Variants in TANC2 observed in about 807,000 individuals in gnomAD.
TANC2 encodes protein TANC2.
Under a neutral mutation model 210.5 loss-of-function variants are expected in TANC2, and 26 were observed. The observed-to-expected ratio is 0.12, with a 90% CI of 0.09 to 0.17. The LOEUF (loss-of-function observed/expected upper bound fraction) is 0.17. Among genes scored for constraint, TANC2 ranks in the 10% least tolerant of loss-of-function variants. The pLI, the probability that TANC2 is intolerant of heterozygous loss-of-function variation, is 1.00. For missense variants in TANC2, 2,129 were observed against 2,608.9 expected, an observed-to-expected ratio of 0.82 and a Z score of 4.01; for synonymous variants, 931 against 967.1, an observed-to-expected ratio of 0.96 and a Z score of 0.69.
At chr17:63,297,842 A>T (rs1024633984) in intron 9 of TANC2, among the ~76,000 whole-genome samples, 4 of 152,108 alleles carry the variant, frequency 2.6e-5, no homozygotes, top group South Asian at 4.1e-4. Flanking sequence ...AGAATATATT[A>T]AAAAAACTCC....
chr17:63,141,211 A>G (rs1000745472), intron 4 of TANC2, among the ~76,000 whole-genome samples: 1 of 151,738 alleles, frequency 6.6e-6, no homozygotes, highest in African/African-American at 2.4e-5. Context: ...TAGAAAAATT[A>G]CAAAGGTCGA....
chr17:63,133,661 C>G (rs2038997095), intron 4 of TANC2, among the ~76,000 whole-genome samples: 1 of 152,112 alleles, frequency 6.6e-6, no homozygotes, highest in Non-Finnish European at 1.5e-5. Flanking sequence ...ACTATGTTTG[C>G]AAGGAATTTA....
At chr17:63,175,092 C>T (rs2040530708) in intron 5 of TANC2, among the ~76,000 whole-genome samples, 1 of 152,142 alleles carries the variant, frequency 6.6e-6, no homozygotes, top group South Asian at 2.1e-4. Context: ...TATTTGTAGA[C>T]ATTTGCAAAC....
intron 2 of TANC2, among the ~76,000 whole-genome samples, chr17:63,072,077 T>C (rs1385751606): frequency 6.6e-6 from 1 of 152,212 alleles, no homozygotes; most frequent in Non-Finnish European, 1.5e-5. Context: ...AATTATTGGC[T>C]GCCTTTCTGT....
At chr17:63,220,717 A>T (rs61699638) in intron 7 of TANC2, among the ~76,000 whole-genome samples, 38,553 of 135,710 alleles carry the variant, frequency 0.28, 5,856 homozygotes, top group South Asian at 0.35. Context: ...AAAAAAAAAA[A>T]AAATATATAT....
intron 19 of TANC2, among the ~76,000 whole-genome samples, chr17:63,403,518 G>A (rs2048405819): frequency 6.6e-6 from 1 of 152,076 alleles, no homozygotes; most frequent in African/African-American, 2.4e-5. Context: ...GAAAGAGGGA[G>A]CATCACTTAT....
At chr17:63,230,373 T>C (rs2042443547) in intron 7 of TANC2, among the ~76,000 whole-genome samples, 1 of 152,144 alleles carries the variant, frequency 6.6e-6, no homozygotes, top group African/African-American at 2.4e-5. Context: ...AGTTGTGATG[T>C]TAGGGTATCG....
At chr17:63,218,122 A>G (rs1169924718) in intron 7 of TANC2, among the ~76,000 whole-genome samples, 1 of 152,122 alleles carries the variant, frequency 6.6e-6, no homozygotes, top group Non-Finnish European at 1.5e-5. Context: ...TGTCTCTACA[A>G]AAGTTTTTAG....
At chr17:63,297,829 T>G (rs1298704772) in intron 9 of TANC2, among the ~76,000 whole-genome samples, 1 of 151,850 alleles carries the variant, frequency 6.6e-6, no homozygotes, top group Non-Finnish European at 1.5e-5. Flanking sequence ...GGGTCTAGTA[T>G]CCAGAATATA....
intron 4 of TANC2, among the ~76,000 whole-genome samples, chr17:63,129,049 G>A (rs533904135): frequency 2.0e-5 from 3 of 152,014 alleles, no homozygotes; most frequent in East Asian, 1.9e-4. Flanking sequence ...CCAGGGTCTC[G>A]CTCTGTCACC....
intron 3 of TANC2, among the ~76,000 whole-genome samples, chr17:63,080,744 A>G (rs1319968052): frequency 6.6e-6 from 1 of 152,200 alleles, no homozygotes; most frequent in Non-Finnish European, 1.5e-5. Flanking sequence ...ACTGTGGTTA[A>G]TTACGTAGAG....
rs2034293642 is a variant in TANC2, at chr17:63,020,312, C to CT, written c.67+10694dup. Among the ~76,000 whole-genome samples the CT allele has an allele frequency of 3.3e-5, 5 of 151,622 alleles. 1 individual carries two copies. In the South Asian group the frequency reaches 8.3e-4, roughly 25 times the overall value. On this transcript the variant is annotated intron_variant, in intron 2 of 27. Coordinates refer to ENST00000689528, the Ensembl canonical transcript of TANC2. ...TCCAATTTATTGTTTTATTCTTTTTCTTTTTTTTCAAGACAGAGTCTTGCT... is the reference window on the plus strand; with the variant it reads ...TCCAATTTATTGTTTTATTCTTTTTCTTTTTTTTTCAAGACAGAGTCTTGCT...
intron 4 of TANC2, among the ~76,000 whole-genome samples, chr17:63,138,104 C>G (rs77787736): frequency 0.021 from 3,151 of 152,204 alleles, 41 homozygotes; most frequent in South Asian, 0.038. Flanking sequence ...CCAGACGTTT[C>G]GCAAAGTTCA....
intron 2 of TANC2, among the ~76,000 whole-genome samples, chr17:63,041,943 C>T (rs1437663869): frequency 1.3e-5 from 2 of 152,178 alleles, no homozygotes; most frequent in Non-Finnish European, 2.9e-5. Flanking sequence ...GACACGCAAA[C>T]AGCAGGATGC....
chr17:62,987,687 T>G (rs536108433), intron 1 of TANC2, among the ~76,000 whole-genome samples: 1 of 152,254 alleles, frequency 6.6e-6, no homozygotes, highest in African/African-American at 2.4e-5. Flanking sequence ...CTCCTGGACT[T>G]CCAGTCACAA....
intron 9 of TANC2, among the ~76,000 whole-genome samples, chr17:63,273,120 C>A (rs1159752121): frequency 6.6e-6 from 1 of 152,014 alleles, no homozygotes; most frequent in African/African-American, 2.4e-5. Flanking sequence ...TAGGCAACAA[C>A]CCTGTCTCTA....
intron 8 of TANC2, among the ~76,000 whole-genome samples, chr17:63,251,023 A>G (rs2043041673): frequency 6.6e-6 from 1 of 152,308 alleles, no homozygotes; most frequent in East Asian, 1.9e-4. Context: ...AAATCTAAGT[A>G]GGACCAGTCT....
intron 9 of TANC2, among the ~76,000 whole-genome samples, chr17:63,302,599 C>CTTTTT (rs568226580): frequency 4.4e-5 from 1 of 22,768 alleles, no homozygotes; most frequent in Non-Finnish European, 9.2e-5. Flanking sequence ...GCAACCCCTG[C>CTTTTT]TTTTTTTTTT....
intron 1 of TANC2, among the ~76,000 whole-genome samples, chr17:62,981,055 G>A (rs1156510380): frequency 6.6e-6 from 1 of 152,186 alleles, no homozygotes; most frequent in African/African-American, 2.4e-5. Context: ...CGAGCAAACA[G>A]CTATGTTGAC....
Sources: gnomAD v4.1 joint callset for allele counts (sites outside exome capture counted in the v4.1 genomes callset) on GRCh38, gnomAD v4.1.1 for gene constraint, MANE v1.5 for transcripts, NCBI Gene and HGNC (gene_info 2026-07-23, HGNC 2026-07-21) for gene names.